CCDC60: variants seen among roughly 807,000 people sequenced by gnomAD.
CCDC60 encodes coiled-coil domain-containing protein 60.
A neutral mutation model predicts 63.5 loss-of-function variants in CCDC60; 54 were observed. That is an observed-to-expected ratio of 0.85 (90% CI 0.68 to 1.07). The LOEUF is 1.07. CCDC60 is among the 50% of genes least tolerant of loss of function. CCDC60 has a pLI of 0.00. For missense variants in CCDC60, 651 were observed against 684.3 expected, an observed-to-expected ratio of 0.95 and a Z score of 0.54; for synonymous variants, 206 against 238.8, an observed-to-expected ratio of 0.86 and a Z score of 1.27.
chr12:119,540,775 G>T lies in CCDC60; in HGVS notation c.*60G>T. 8.3e-7 allele frequency: 1 copy of T among 1,208,902 alleles called. No individual in the cohort carries two copies. The highest frequency in any genetic ancestry group is 1.2e-5 in the South Asian group (1 of 81,234). 74.9% of individuals were successfully genotyped at this position (1,208,902 alleles called of 1,614,324 possible). ...GAGTGTTTGCCTATATCATGTTCCT[G>T]TATCCTGCCTGTGTTCCTGCCTCCT... On this transcript the variant is annotated 3_prime_UTR_variant, in exon 14 of 14. Coordinates refer to ENST00000327554, the MANE Select transcript of CCDC60 (RefSeq NM_178499.5).
intron 1 of CCDC60, among the ~76,000 whole-genome samples, chr12:119,428,115 C>T (rs1043014511): frequency 3.3e-5 from 5 of 152,146 alleles, no homozygotes; most frequent in South Asian, 2.1e-4. Context: ...GAAAAACCCA[C>T]GAACAATTAT....
chr12:119,409,046 A>T (rs759702839), intron 1 of CCDC60, among the ~76,000 whole-genome samples: 1 of 152,128 alleles, frequency 6.6e-6, no homozygotes, highest in Non-Finnish European at 1.5e-5. Context: ...ATTAGAAGTG[A>T]GTTACTAGGT....
intron 10 of CCDC60, 143 bp from the exon 11 acceptor site, chr12:119,523,550 A>C: frequency 1.9e-6 from 2 of 1,033,600 alleles, no homozygotes; most frequent in Non-Finnish European, 2.8e-6. Context: ...GGGAGGCTCC[A>C]GGTGAGGGCA....
At chr12:119,495,165 G>T (rs1482983688) in intron 5 of CCDC60, among the ~76,000 whole-genome samples, 2 of 152,162 alleles carry the variant, frequency 1.3e-5, no homozygotes, top group Non-Finnish European at 2.9e-5. Flanking sequence ...CTAGCAAAAG[G>T]TAAGGCAGGA....
intron 7 of CCDC60, among the ~76,000 whole-genome samples, chr12:119,505,981 G>A (rs976973349): frequency 2.7e-5 from 4 of 148,770 alleles, no homozygotes; most frequent in African/African-American, 7.3e-5. Flanking sequence ...GAAATTCGGT[G>A]TCTACTTTTT....
At chr12:119,479,258 C>G (rs943054091) in intron 4 of CCDC60, 57 bp downstream of exon 4, 81 of 1,219,032 alleles carry the variant, frequency 6.6e-5, no homozygotes, top group Admixed American at 3.2e-4. Flanking sequence ...TGAAGCCGAA[C>G]TGAAATGACT....
At position 119,377,485 on chromosome 12, in the gene CCDC60, A is replaced by G. The variant is rs374706920; in HGVS notation, c.90+42219A>G. Among the ~76,000 whole-genome samples, 10 of 152,262 alleles carry G rather than the reference A, an allele frequency of 6.6e-5. No individual in the cohort carries two copies. The East Asian group carries it at 9.7e-4, about 15-fold the overall frequency. ...TACATTAACTCTGTAAACAGTTACA[A>G]TATTATAAATAAGGTTAAAAGTATC... is the stretch of plus-strand genomic sequence containing the variant. On this transcript the variant is annotated intron_variant, in intron 1 of 13. Transcript: ENST00000327554.
chr12:119,512,464 AGAAACT>A (rs1160729843), intron 7 of CCDC60, among the ~76,000 whole-genome samples: 1 of 152,240 alleles, frequency 6.6e-6, no homozygotes, highest in Non-Finnish European at 1.5e-5. Context: ...GCAAGTGAAC[AGAAACT>A]GGCTATCACA....
chr12:119,378,947 C>T (rs538456039), intron 1 of CCDC60, among the ~76,000 whole-genome samples: 3 of 152,304 alleles, frequency 2.0e-5, no homozygotes, highest in East Asian at 1.9e-4. Flanking sequence ...AATCAATGCT[C>T]AGCCCAGGGC....
chr12:119,445,234 G>A (rs1950520654), intron 2 of CCDC60, among the ~76,000 whole-genome samples: 2 of 151,832 alleles, frequency 1.3e-5, no homozygotes, highest in Non-Finnish European at 2.9e-5. Context: ...AGGAGTTTGA[G>A]ACCAGCCTGG....
chr12:119,506,357 C>A (rs959410626), intron 7 of CCDC60, among the ~76,000 whole-genome samples: 3 of 147,592 alleles, frequency 2.0e-5, no homozygotes, highest in African/African-American at 7.5e-5. Context: ...AATCCCAGAA[C>A]TTAGGGAGAT....
intron 5 of CCDC60, among the ~76,000 whole-genome samples, chr12:119,490,236 T>C (rs969804829): frequency 6.6e-6 from 1 of 152,226 alleles, no homozygotes; most frequent in Non-Finnish European, 1.5e-5. Context: ...CATGCATCCA[T>C]TGATAGATCA....
chr12:119,386,724 A>G (rs1467420686), intron 1 of CCDC60, among the ~76,000 whole-genome samples: 1 of 152,226 alleles, frequency 6.6e-6, no homozygotes, highest in African/African-American at 2.4e-5. Flanking sequence ...GCCACATGAC[A>G]GGAGCCTTAA....
At chr12:119,364,859 G>C (rs1380915712) in intron 1 of CCDC60, among the ~76,000 whole-genome samples, 1 of 152,172 alleles carries the variant, frequency 6.6e-6, no homozygotes, top group Non-Finnish European at 1.5e-5. Context: ...TTTGTCCAGG[G>C]ATTCAGGAAA....
intron 1 of CCDC60, among the ~76,000 whole-genome samples, chr12:119,389,160 C>G (rs576785579): frequency 6.7e-6 from 1 of 149,854 alleles, no homozygotes; most frequent in Non-Finnish European, 1.5e-5. Flanking sequence ...AAGGAGCATC[C>G]CTTTACCAAT....
Position 119,520,133 on chromosome 12 carries a change from G to A in CCDC60, c.981G>A (p.Val327=), listed in dbSNP as rs771006382. 35 of 1,613,856 alleles carry A rather than the reference G, an allele frequency of 2.2e-5. No individual in the cohort carries two copies. The highest frequency in any genetic ancestry group is 1.7e-4 in the Admixed American group (10 of 59,986). ...MQRKAPSILS[V]LKQNKSNSAY... ...TTTTGCCTTGCAGCATCTTGTCAGT[G>A]CTGAAACAAAACAAGAGTAATTCTG... Residue 327 remains valine (V), a synonymous_variant, in exon 9 of 14, where the codon GTG becomes GTA. Coordinates refer to ENST00000327554, the MANE Select transcript of CCDC60 (RefSeq NM_178499.5).
chr12:119,521,576 C>T (rs1024981604), intron 9 of CCDC60, among the ~76,000 whole-genome samples: 4 of 152,032 alleles, frequency 2.6e-5, no homozygotes, highest in East Asian at 1.9e-4. Context: ...AAAGGTCCTG[C>T]GGCAGGAGGA....
chr12:119,479,374 CAGTGGTTTACAGCTA>C (rs1951250001), intron 4 of CCDC60, 173 bp downstream of exon 4: 1 of 580,888 alleles, frequency 1.7e-6, no homozygotes, highest in African/African-American at 1.9e-5. Context: ...AAAGTAGACA[CAGTGGTTTACAGCTA>C]AGTGGCAAAT....
intron 1 of CCDC60, among the ~76,000 whole-genome samples, chr12:119,422,027 C>T (rs1215418046): frequency 6.6e-6 from 1 of 152,220 alleles, no homozygotes; most frequent in African/African-American, 2.4e-5. Flanking sequence ...CATTACACGA[C>T]ATCACATGGT....
Sources: gnomAD v4.1 joint callset for allele counts (sites outside exome capture counted in the v4.1 genomes callset) on GRCh38, gnomAD v4.1.1 for gene constraint, MANE v1.5 for transcripts, NCBI Gene and HGNC (gene_info 2026-07-23, HGNC 2026-07-21) for gene names.